Variants in RUFY2 observed in about 807,000 individuals in gnomAD.
RUFY2 encodes RUN and FYVE domain-containing protein 2.
Under a neutral mutation model 94.4 loss-of-function variants are expected in RUFY2, and 49 were observed. The observed-to-expected ratio is 0.52, with a 90% CI of 0.41 to 0.66. The LOEUF (loss-of-function observed/expected upper bound fraction) is 0.66, where lower values mean the gene tolerates loss of function less well. Among genes scored for constraint, RUFY2 ranks in the 30% least tolerant of loss-of-function variants. The pLI is 0.00. For missense variants in RUFY2, 541 were observed against 692.8 expected, an observed-to-expected ratio of 0.78 and a Z score of 2.46; for synonymous variants, 255 against 235.7, an observed-to-expected ratio of 1.08 and a Z score of -0.75.
At chr10:68,385,523 G>C (rs1365877663) in intron 8 of RUFY2, among the ~76,000 whole-genome samples, 1 of 152,094 alleles carries the variant, frequency 6.6e-6, no homozygotes, top group Non-Finnish European at 1.5e-5. Context: ...TGATGCCTGT[G>C]AAGAAAAGTA....
rs1049396082 is a variant in RUFY2, at chr10:68,362,472, C to T, written c.1550+1118G>A. ...TGTTCAATCAGGCGCAAAGCTGCTA[C>T]CCCAAAACACAGACTATGGGGAACA... On this transcript the variant is annotated intron_variant, in intron 15 of 17. Coordinates refer to ENST00000602465, the MANE Select transcript of RUFY2 (RefSeq NM_001330103.2). 7.2e-5 allele frequency among the ~76,000 whole-genome samples: 11 copies of T among 152,270 alleles called. No individual in the cohort carries two copies. The East Asian group carries it at 1.9e-3, about 27-fold the overall frequency.
rs1259900542 is a variant in RUFY2 at position 68,407,268 on chromosome 10, C to G, written c.-79G>C. 8.2e-7 allele frequency: 1 copy of G among 1,219,148 alleles called. No individual in the cohort carries two copies. Among genetic ancestry groups the G allele is most frequent in the Admixed American group, 4.3e-5 (1 of 23,192 alleles). The allele number at this position is 1,219,148 out of a possible 1,614,324, so 75.5% of individuals were successfully genotyped here. Reference sequence around the variant, plus strand: ...CTCCTTCCAGGCGCTCGGCGGCCACCACCGCATCTGCAGCCAGGCCCGCTG... The same window carrying G: ...CTCCTTCCAGGCGCTCGGCGGCCACGACCGCATCTGCAGCCAGGCCCGCTG... On this transcript the variant is annotated 5_prime_UTR_variant, in exon 1 of 18. Transcript: ENST00000602465.
Position 68,381,323 on chromosome 10 carries a change from T to G in RUFY2, c.1016A>C (p.Asp339Ala). ...CAGAGTATCTTGTTTCTCATGGATA[T>G]CTTTCTCCAGCAACTTCATGGCAAG... ...IELAMKLLEK[D>A]IHEKQDTLIG... The change falls in exon 11 of 18, where the codon GAT becomes GCT. Residue 339 changes from aspartate (D) to alanine (A), a missense_variant. Asp to Ala is a moderately radical substitution (Grantham distance 126). Transcript: ENST00000602465. 2 of 1,614,102 alleles carry G rather than the reference T, an allele frequency of 1.2e-6. No homozygotes were observed. Among genetic ancestry groups the G allele is most frequent in the Non-Finnish European group, 1.7e-6 (2 of 1,179,948 alleles).
At chr10:68,406,920 G>T in intron 1 of RUFY2, 1 of 1,563,244 alleles carries the variant, frequency 6.4e-7, no homozygotes. Context: ...CCCTGTCCTC[G>T]CTCCTGGACG....
intron 3 of RUFY2, 35 bp from the exon 4 acceptor site, chr10:68,396,916 C>A (rs1204182520): frequency 7.0e-7 from 1 of 1,423,802 alleles, no homozygotes; most frequent in South Asian, 1.2e-5. Flanking sequence ...GAAAACAGCC[C>A]TAGCCCAAAG....
intron 7 of RUFY2, 95 bp from the exon 8 acceptor site, chr10:68,386,223 A>G: frequency 2.2e-6 from 2 of 927,094 alleles, no homozygotes; most frequent in East Asian, 2.6e-5. Context: ...GTTTACTGAC[A>G]GGCACCAACT....
chr10:68,359,648 T>C (rs1045475358), intron 15 of RUFY2, among the ~76,000 whole-genome samples: 1 of 148,082 alleles, frequency 6.8e-6, no homozygotes, highest in Non-Finnish European at 1.5e-5. Flanking sequence ...TGCTACTATA[T>C]ATATAAAAAT....
At chr10:68,382,486 G>A (rs1163067472) in intron 10 of RUFY2, among the ~76,000 whole-genome samples, 1 of 151,540 alleles carries the variant, frequency 6.6e-6, no homozygotes, top group Admixed American at 6.6e-5. Flanking sequence ...AGGCCAAGGT[G>A]GGCAGATCAT....
At position 68,363,993 on chromosome 10, in the gene RUFY2, A is replaced by G. The variant is rs757653421; in HGVS notation, c.1446T>C (p.Ser482=). ...TTTTACCACTATTTACTTTTTTAAG[A>G]CTAATGATTTGTTGAGTCTCATTTC... ...HLRNETQQII[S]LKKEFLNLQD... Residue 482 remains serine, a synonymous_variant, in exon 14 of 18, where the codon AGT becomes AGC. Coordinates refer to ENST00000602465, the MANE Select transcript of RUFY2 (RefSeq NM_001330103.2). 1.8e-5 allele frequency: 29 copies of G among 1,589,914 alleles called. 1 individual carries two copies. Among genetic ancestry groups the G allele is most frequent in the Admixed American group, 3.4e-5 (2 of 58,372 alleles).
Position 68,404,886 on chromosome 10 carries a change from T to C in RUFY2, c.5-42A>G, listed in dbSNP as rs1443010047. ...GGAATCCAACATCATTTGTAAGACATGACAATGAAAAATATACAAACCATT... is the reference window on the plus strand; with the variant it reads ...GGAATCCAACATCATTTGTAAGACACGACAATGAAAAATATACAAACCATT... On this transcript the variant is annotated intron_variant, in intron 1 of 17. Transcript: ENST00000602465. The C allele has an allele frequency of 5.4e-6, 8 of 1,476,684 alleles. No individual in the cohort carries two copies. In the South Asian group the frequency reaches 8.0e-5, roughly 15 times the overall value. 91.5% of individuals were successfully genotyped at this position (1,476,684 alleles called of 1,614,324 possible). A position where few individuals can be genotyped will look rare whatever the true frequency, so the allele number is the denominator to read the frequency against.
At chr10:68,404,346 A>C (rs2051105086) in intron 2 of RUFY2, among the ~76,000 whole-genome samples, 1 of 152,238 alleles carries the variant, frequency 6.6e-6, no homozygotes, top group Non-Finnish European at 1.5e-5. Context: ...CGAACTATTA[A>C]TATGAGCTCA....
At chr10:68,400,750 C>A (rs548100263) in intron 3 of RUFY2, among the ~76,000 whole-genome samples, 3 of 151,224 alleles carry the variant, frequency 2.0e-5, no homozygotes, top group Non-Finnish European at 4.4e-5. Context: ...CGGTGGCTCA[C>A]GCCTGTAATC....
At chr10:68,400,292 G>C (rs564818864) in intron 3 of RUFY2, among the ~76,000 whole-genome samples, 1 of 151,966 alleles carries the variant, frequency 6.6e-6, no homozygotes, top group East Asian at 2.0e-4. Context: ...CTCCAGTCTG[G>C]GCAACAGGGT....
chr10:68,358,377 A>C (rs1486965434), intron 15 of RUFY2, among the ~76,000 whole-genome samples: 1 of 152,194 alleles, frequency 6.6e-6, no homozygotes, highest in Non-Finnish European at 1.5e-5. Context: ...ACATAAAAAC[A>C]AAGTGTGAGT....
At chr10:68,407,107 T>TCC in intron 1 of RUFY2, 79 bp downstream of exon 1, 1 of 1,514,506 alleles carries the variant, frequency 6.6e-7, no homozygotes, top group South Asian at 1.2e-5. Flanking sequence ...CTCCCCCAGC[T>TCC]CCCAGTCCAC....
intron 6 of RUFY2, chr10:68,393,687 C>T (rs2050168067): frequency 4.6e-6 from 1 of 219,208 alleles, no homozygotes; most frequent in South Asian, 6.6e-5. Context: ...CAAGATAGAA[C>T]CACTGCACTC....
chr10:68,397,775 C>A (rs1243268875), intron 3 of RUFY2, among the ~76,000 whole-genome samples: 1 of 150,402 alleles, frequency 6.6e-6, no homozygotes, highest in African/African-American at 2.4e-5. Context: ...GAGACCCTGT[C>A]TCAGAAAAAA....
chr10:68,341,479 A>G, downstream of RUFY2: 1 of 1,010,402 alleles, frequency 9.9e-7, no homozygotes, highest in South Asian at 1.5e-5. Flanking sequence ...ATTAATAAGC[A>G]TACTTTGTTT....
chr10:68,362,708 T>G (rs1262416297), intron 15 of RUFY2, among the ~76,000 whole-genome samples: 1 of 151,976 alleles, frequency 6.6e-6, no homozygotes, highest in Non-Finnish European at 1.5e-5. Context: ...AAGGGTTGCT[T>G]GAGCCCAGGA....
Sources: allele counts gnomAD v4.1 joint callset (sites outside exome capture counted in the v4.1 genomes callset), GRCh38; gene constraint gnomAD v4.1.1; transcripts MANE v1.5; gene names NCBI Gene and HGNC (gene_info 2026-07-23, HGNC 2026-07-21).